The following CPLANE1 variants were observed in gnomAD, a reference collection of about 807,000 sequenced individuals.
CPLANE1 encodes ciliogenesis and planar polarity effector complex subunit 1.
Under a neutral mutation model 362.5 loss-of-function variants are expected in CPLANE1, and 263 were observed. That is an observed-to-expected ratio of 0.73 (90% CI 0.66 to 0.80). CPLANE1 has a LOEUF of 0.80. Ranked by LOEUF, CPLANE1 falls within the 30% of genes least tolerant of loss-of-function variation. CPLANE1 has a pLI of 0.00. For synonymous variants in CPLANE1, 1,212 were observed against 1,302.6 expected (o/e 0.93, Z 1.50); for missense variants, 3,461 against 3,793.4 (o/e 0.91, Z 2.30).
chr5:37,108,618 A>G, intron 51 of CPLANE1, 147 bp from the exon 52 acceptor site: 1 of 751,420 alleles, frequency 1.3e-6, no homozygotes, highest in Non-Finnish European at 2.1e-6. Context: ...GGTTCACTTT[A>G]GAGTTCGAAC....
rs912610396 is a variant in CPLANE1 at position 37,169,690 on chromosome 5, A to T, written c.6463-129T>A. 3 of 744,946 alleles carry T rather than the reference A, an allele frequency of 4.0e-6. No homozygotes were observed. In the African/African-American group the frequency reaches 5.3e-5, roughly 13 times the overall value. 46.1% of individuals were successfully genotyped at this position (744,946 alleles called of 1,614,324 possible). A position where few individuals can be genotyped will look rare whatever the true frequency, so the allele number is the denominator to read the frequency against. The stretch of plus-strand genomic sequence containing the variant: ...GCTAAAAAAAAAAATTATTTATTCA[A>T]TAAAAAACACGATGACTATTGAACT... On this transcript the variant is annotated intron_variant, in intron 33 of 52. Coordinates refer to ENST00000651892, the MANE Select transcript of CPLANE1 (RefSeq NM_001384732.1).
At chr5:37,243,790 A>T (rs1489103415) in intron 5 of CPLANE1, among the ~76,000 whole-genome samples, 2 of 147,112 alleles carry the variant, frequency 1.4e-5, no homozygotes, top group Admixed American at 1.4e-4. Context: ...TACATATATA[A>T]TATACCATAT....
At chr5:37,104,813 C>T (rs886750589), downstream of CPLANE1, among the ~76,000 whole-genome samples, 2 of 151,922 alleles carry the variant, frequency 1.3e-5, no homozygotes, top group Admixed American at 1.3e-4. Context: ...GTCCCAGCTA[C>T]TCAGGAGGCT....
rs863225161 is a variant in CPLANE1 at position 37,206,215 on chromosome 5, C to CT, written c.3130_3131insA (p.Arg1044GlnfsTer2). ...TCCATACCTCATGAAATTGCTATCA[C>CT]GTTTACAGAACAGCTGGAAAGCCAC... On this transcript the variant is annotated frameshift_variant, in exon 17 of 53. Transcript: ENST00000651892. The CT allele has an allele frequency of 1.9e-6, 3 of 1,551,462 alleles. No homozygotes were observed. Among genetic ancestry groups the CT allele is most frequent in the Non-Finnish European group, 1.7e-6 (2 of 1,146,622 alleles).
At chr5:37,232,256 G>A (rs1314193725) in intron 8 of CPLANE1, among the ~76,000 whole-genome samples, 1 of 152,076 alleles carries the variant, frequency 6.6e-6, no homozygotes, top group Non-Finnish European at 1.5e-5. Flanking sequence ...GGTGGCACAG[G>A]CCCATAATCC....
At chr5:37,108,889 C>T (rs1286015114) in intron 51 of CPLANE1, among the ~76,000 whole-genome samples, 1 of 152,204 alleles carries the variant, frequency 6.6e-6, no homozygotes, top group Non-Finnish European at 1.5e-5. Flanking sequence ...TACAATCTGC[C>T]TTTAGGCAAA....
chr5:37,122,040 C>T (rs1762811859), intron 48 of CPLANE1, among the ~76,000 whole-genome samples: 1 of 152,034 alleles, frequency 6.6e-6, no homozygotes, highest in African/African-American at 2.4e-5. Flanking sequence ...GCCACCATGC[C>T]CGGCTAATTT....
intron 42 of CPLANE1, among the ~76,000 whole-genome samples, chr5:37,150,901 T>C (rs1773361529): frequency 6.6e-6 from 1 of 152,192 alleles, no homozygotes; most frequent in Non-Finnish European, 1.5e-5. Flanking sequence ...GTTTCCTATA[T>C]GATTCTAATG....
intron 23 of CPLANE1, among the ~76,000 whole-genome samples, chr5:37,186,937 T>C (rs1784168600): frequency 6.6e-6 from 1 of 151,822 alleles, no homozygotes; most frequent in Non-Finnish European, 1.5e-5. Context: ...GGCGGGAGCC[T>C]GTGGTCCCAG....
intron 18 of CPLANE1, 22 bp from the exon 19 acceptor site, chr5:37,201,830 T>C: frequency 2.0e-6 from 3 of 1,528,482 alleles, no homozygotes; most frequent in Non-Finnish European, 2.7e-6. Flanking sequence ...AAAAATTTGG[T>C]AAAATAGTTA....
the CPLANE1 span, among the ~76,000 whole-genome samples, chr5:37,081,322 C>CTGTT: frequency 6.6e-6 from 1 of 152,058 alleles, no homozygotes; most frequent in African/African-American, 2.4e-5. Context: ...ATGTATGGTT[C>CTGTT]TGTTTGTTTT....
intron 14 of CPLANE1, among the ~76,000 whole-genome samples, chr5:37,222,711 C>T (rs538591544): frequency 6.6e-6 from 1 of 152,096 alleles, no homozygotes; most frequent in South Asian, 2.1e-4. Flanking sequence ...ATGGACAATC[C>T]CCAAGTCAGA....
Position 37,215,429 on chromosome 5 carries a change from T to C in CPLANE1, c.2747-1697A>G, listed in dbSNP as rs889424980. 3.3e-5 allele frequency among the ~76,000 whole-genome samples: 5 copies of C among 152,262 alleles called. No homozygotes were observed. In the South Asian group the frequency reaches 8.3e-4, roughly 25 times the overall value. ...TACAGTATATAATATATACAACATA[T>C]AAAATATATGTTAATCAACTATTTA... On this transcript the variant is annotated intron_variant, in intron 15 of 52. Coordinates refer to ENST00000651892, the MANE Select transcript of CPLANE1 (RefSeq NM_001384732.1).
At chr5:37,204,553 T>G (rs1374321562) in intron 18 of CPLANE1, among the ~76,000 whole-genome samples, 2 of 152,098 alleles carry the variant, frequency 1.3e-5, no homozygotes, top group African/African-American at 4.8e-5. Context: ...AGAGTTGAAA[T>G]AAATCACTCC....
intron 47 of CPLANE1, among the ~76,000 whole-genome samples, chr5:37,124,274 ATCTAAAC>A (rs1264159665): frequency 1.8e-3 from 1 of 564 alleles, no homozygotes; most frequent in Admixed American, 0.018. Context: ...ATAAACTGTA[ATCTAAAC>A]TGTAATCTAA....
chr5:37,078,766 T>C, the CPLANE1 span, among the ~76,000 whole-genome samples: 1 of 151,934 alleles, frequency 6.6e-6, no homozygotes, highest in Non-Finnish European at 1.5e-5. Flanking sequence ...TGGTGTGAGA[T>C]GGTATTTCAT....
chr5:37,224,394 T>A, intron 13 of CPLANE1, 61 bp from the exon 14 acceptor site: 1 of 1,373,200 alleles, frequency 7.3e-7, no homozygotes. Context: ...AAAAATTTAC[T>A]TTGTTTTAAA....
intron 21 of CPLANE1, among the ~76,000 whole-genome samples, chr5:37,193,919 T>C (rs977514189): frequency 1.3e-5 from 2 of 150,322 alleles, no homozygotes; most frequent in African/African-American, 4.9e-5. Flanking sequence ...AGGAACTTTT[T>C]TTTTCTTTTT....
In CPLANE1 at chr5:37,202,917, ATATT is replaced by A. The variant is rs1163798154; in HGVS notation, c.3290-1113_3290-1110del. On this transcript the variant is annotated intron_variant, in intron 18 of 52. Coordinates refer to ENST00000651892, the MANE Select transcript of CPLANE1 (RefSeq NM_001384732.1). ...ATCTATGTCCCTATCTATTTTGTATATATTTATCTTTCTTTATATATTTTATATA... is the reference window on the plus strand; with the variant it reads ...ATCTATGTCCCTATCTATTTTGTATATATCTTTCTTTATATATTTTATATA... Among the ~76,000 whole-genome samples, 20 of 150,836 alleles carry A rather than the reference ATATT, an allele frequency of 1.3e-4. No homozygotes were observed. In the East Asian group the frequency reaches 3.3e-3, roughly 25 times the overall value.
Sources: gnomAD v4.1 joint callset for allele counts (sites outside exome capture counted in the v4.1 genomes callset) on GRCh38, gnomAD v4.1.1 for gene constraint, MANE v1.5 for transcripts, NCBI Gene and HGNC (gene_info 2026-07-23, HGNC 2026-07-21) for gene names.